The following STK3 variants were observed in gnomAD, a reference collection of about 807,000 sequenced individuals.
STK3 encodes serine/threonine kinase 3.
In STK3, 41 loss-of-function variants were observed where a neutral mutation model predicts 58.0. That is an observed-to-expected ratio of 0.71 (90% CI 0.55 to 0.92). STK3 has a LOEUF of 0.92. STK3 is among the 40% of genes least tolerant of loss of function. The pLI is 0.00. For synonymous variants in STK3, 170 were observed against 191.0 expected, an observed-to-expected ratio of 0.89 and a Z score of 0.91; for missense variants, 479 against 602.7, an observed-to-expected ratio of 0.79 and a Z score of 2.15.
At chr8:98,545,469 A>G (rs1186995486) in intron 9 of STK3, among the ~76,000 whole-genome samples, 1 of 152,184 alleles carries the variant, frequency 6.6e-6, no homozygotes, top group Non-Finnish European at 1.5e-5. Context: ...TCCATTTTTT[A>G]AAAGGCAGAT....
intron 8 of STK3, among the ~76,000 whole-genome samples, chr8:98,558,084 CTTT>C (rs1214129425): frequency 2.0e-5 from 3 of 152,024 alleles, no homozygotes. Context: ...CGTGACATTT[CTTT>C]TTTCTTTCAC....
intron 1 of STK3, among the ~76,000 whole-genome samples, chr8:98,789,147 TG>T (rs1451641492): frequency 2.0e-5 from 3 of 152,220 alleles, no homozygotes; most frequent in African/African-American, 7.2e-5. Flanking sequence ...TTAAATAACC[TG>T]CTTTTAAATG....
intron 6 of STK3, among the ~76,000 whole-genome samples, chr8:98,600,691 T>A (rs1472764199): frequency 6.6e-6 from 1 of 152,162 alleles, no homozygotes; most frequent in African/African-American, 2.4e-5. Context: ...CAAAGAAGAT[T>A]ATAGTTTTAC....
the STK3 span, among the ~76,000 whole-genome samples, chr8:98,358,883 C>T: frequency 1.3e-5 from 2 of 152,144 alleles, no homozygotes; most frequent in South Asian, 2.1e-4. Flanking sequence ...TTAACTTTGC[C>T]GGCATCCAGG....
At chr8:98,806,357 TAAATC>T (rs970589090) in intron 1 of STK3, among the ~76,000 whole-genome samples, 1 of 152,200 alleles carries the variant, frequency 6.6e-6, no homozygotes, top group African/African-American at 2.4e-5. Context: ...TGCTTCAACT[TAAATC>T]AGTTTTGCTA....
At position 98,636,428 on chromosome 8, in the gene STK3, G is replaced by A. The variant is rs532459029; in HGVS notation, c.685-40259C>T. 3.3e-5 allele frequency among the ~76,000 whole-genome samples: 5 copies of A among 152,136 alleles called. No individual in the cohort carries two copies. The South Asian group carries it at 1.0e-3, about 32-fold the overall frequency. On this transcript the variant is annotated intron_variant, in intron 6 of 10. Transcript: ENST00000419617. Reference sequence around the variant, plus strand: ...GACATTTACTGACTGCCTATCATATGCCAGGCATTGTGTTAGGCACGAAAG... The same window carrying A: ...GACATTTACTGACTGCCTATCATATACCAGGCATTGTGTTAGGCACGAAAG...
intron 1 of STK3, among the ~76,000 whole-genome samples, chr8:98,931,242 C>G (rs984881138): frequency 1.3e-5 from 2 of 152,166 alleles, no homozygotes; most frequent in Admixed American, 1.3e-4. Flanking sequence ...TGTCTGGAAA[C>G]TTCCCCTTAA....
intron 1 of STK3, among the ~76,000 whole-genome samples, chr8:98,821,729 G>A (rs895144919): frequency 5.9e-5 from 9 of 151,502 alleles, no homozygotes; most frequent in African/African-American, 1.2e-4. Context: ...GTATGTTAAC[G>A]AAATCTAAGG....
chr8:98,803,814 G>A (rs1372193234), intron 1 of STK3, among the ~76,000 whole-genome samples: 1 of 152,010 alleles, frequency 6.6e-6, no homozygotes, highest in Non-Finnish European at 1.5e-5. Context: ...CACACTTACT[G>A]AATTTGTAGA....
chr8:98,382,874 C>T (rs1402312736), intron 1 of STK3, among the ~76,000 whole-genome samples: 1 of 152,218 alleles, frequency 6.6e-6, no homozygotes, highest in South Asian at 2.1e-4. Flanking sequence ...CTTCCCAGGG[C>T]TTGGGCTCCG....
chr8:98,451,351 C>T (rs556713505), downstream of STK3, among the ~76,000 whole-genome samples: 3 of 152,100 alleles, frequency 2.0e-5, no homozygotes, highest in Non-Finnish European at 4.4e-5. Context: ...AGTTTGGAAG[C>T]AGTTCAGTTT....
Position 98,800,279 on chromosome 8 carries a change from T to C in STK3, c.26+25236A>G, listed in dbSNP as rs973261545. Among the ~76,000 whole-genome samples, 3 of 152,204 alleles carry C rather than the reference T, an allele frequency of 2.0e-5. No homozygotes were observed. The highest frequency in any genetic ancestry group is 4.8e-5 in the African/African-American group (2 of 41,454). On this transcript the variant is annotated intron_variant, in intron 1 of 10. Transcript: ENST00000419617. This position sits in a 1 kb window ranked among gnomAD's most constrained non-coding sequence, Gnocchi z 4.8. Reference sequence around the variant, plus strand: ...TGGACCGACCTGCTGGCACTTTCAATGGCCTAGAGAGCTCCCCTCTGGAGG... The same window carrying C: ...TGGACCGACCTGCTGGCACTTTCAACGGCCTAGAGAGCTCCCCTCTGGAGG...
chr8:98,631,640 C>T (rs1038261688), intron 6 of STK3, among the ~76,000 whole-genome samples: 1 of 151,222 alleles, frequency 6.6e-6, no homozygotes, highest in Non-Finnish European at 1.5e-5. Flanking sequence ...GTTATCAGTA[C>T]CTGATATGCT....
intron 6 of STK3, among the ~76,000 whole-genome samples, chr8:98,683,827 A>C (rs1434559557): frequency 2.0e-5 from 3 of 152,154 alleles, no homozygotes; most frequent in African/African-American, 7.2e-5. Context: ...GAAAATAGTA[A>C]ACAAAACACT....
rs71572027 is a variant in STK3 at position 98,858,290 on chromosome 8, GTATATATATA to G, written c.110+25347_110+25356del. Among the ~76,000 whole-genome samples, 307 of 34,372 alleles carry G rather than the reference GTATATATATA, an allele frequency of 8.9e-3. 10 individuals are homozygous for G. Among genetic ancestry groups the G allele is most frequent in the African/African-American group, 0.035 (265 of 7,502 alleles). 22.5% of individuals were successfully genotyped at this position (34,372 alleles called of 152,430 possible). A position where few individuals can be genotyped will look rare whatever the true frequency, so the allele number is the denominator to read the frequency against. On this transcript the variant is annotated intron_variant, in intron 3 of 12. Coordinates refer to the STK3 transcript ENST00000523601. The stretch of plus-strand genomic sequence containing the variant: ...CCAGCTACAGTATATACATACATAC[GTATATATATA>G]TATATATATATATATATATATATAG...
At chr8:98,764,232 G>A (rs1164986521) in intron 3 of STK3, among the ~76,000 whole-genome samples, 1 of 152,136 alleles carries the variant, frequency 6.6e-6, no homozygotes, top group Non-Finnish European at 1.5e-5. Flanking sequence ...CCTTCTCATT[G>A]TATTCTTTAC....
rs192982648 is a variant in STK3, at chr8:98,907,289, G to A, written c.-78-23455C>T. Among the ~76,000 whole-genome samples, 31 of 152,208 alleles carry A rather than the reference G, an allele frequency of 2.0e-4. No individual in the cohort carries two copies. In the South Asian group the frequency reaches 2.7e-3, roughly 13 times the overall value. On this transcript the variant is annotated intron_variant, in intron 1 of 1. Coordinates refer to the STK3 transcript ENST00000519420. ...AGCACTTTGGGAGGCTGAGGCTGGC[G>A]GGTCACAAGTTCAGGAGATCGAGAC...
chr8:98,686,065 TAAATA>T (rs1474123557), intron 6 of STK3, among the ~76,000 whole-genome samples: 3 of 152,138 alleles, frequency 2.0e-5, no homozygotes, highest in African/African-American at 7.2e-5. Flanking sequence ...CCTTTCCTAT[TAAATA>T]AAACAGAAAT....
intron 10 of STK3, among the ~76,000 whole-genome samples, chr8:98,464,118 T>C (rs1820234460): frequency 6.6e-6 from 1 of 152,168 alleles, no homozygotes. Context: ...TACTGTATCC[T>C]GACTCATCTA....
Sources: allele counts gnomAD v4.1 joint callset (sites outside exome capture counted in the v4.1 genomes callset), GRCh38; gene constraint gnomAD v4.1.1; non-coding constraint Gnocchi (gnomAD v3.1); transcripts MANE v1.5; gene names NCBI Gene and HGNC (gene_info 2026-07-23, HGNC 2026-07-21).